PTPRK: variants seen among roughly 807,000 people sequenced by gnomAD.
PTPRK encodes the protein receptor-type tyrosine-protein phosphatase kappa.
Under a neutral mutation model 178.0 loss-of-function variants are expected in PTPRK, and 75 were observed. The observed-to-expected ratio is 0.42, with a 90% CI of 0.35 to 0.51. PTPRK has a LOEUF of 0.51. Among genes scored for constraint, PTPRK ranks in the 20% least tolerant of loss-of-function variants. PTPRK has a pLI of 0.02. For missense variants in PTPRK, 1,441 were observed against 1,797.8 expected, an observed-to-expected ratio of 0.80 and a Z score of 3.59; for synonymous variants, 637 against 620.6, an observed-to-expected ratio of 1.03 and a Z score of -0.39.
At chr6:128,022,621 T>G (rs564962371) in intron 13 of PTPRK, among the ~76,000 whole-genome samples, 1 of 152,200 alleles carries the variant, frequency 6.6e-6, no homozygotes, top group Non-Finnish European at 1.5e-5. Context: ...TCTTCATTGA[T>G]TTTGAAGGGA....
At chr6:128,164,852 T>C (rs1799176904) in intron 7 of PTPRK, among the ~76,000 whole-genome samples, 1 of 150,150 alleles carries the variant, frequency 6.7e-6, no homozygotes, top group African/African-American at 2.5e-5. Flanking sequence ...ATGTATATAT[T>C]AGCATGAAAG....
At chr6:128,026,640 GA>G (rs1191400377) in intron 13 of PTPRK, among the ~76,000 whole-genome samples, 1 of 152,124 alleles carries the variant, frequency 6.6e-6, no homozygotes, top group African/African-American at 2.4e-5. Flanking sequence ...TAAGGATTAA[GA>G]AAGCACTGGC....
intron 5 of PTPRK, among the ~76,000 whole-genome samples, chr6:128,228,382 C>T (rs1488956411): frequency 6.6e-6 from 1 of 151,342 alleles, no homozygotes; most frequent in Non-Finnish European, 1.5e-5. Flanking sequence ...TGCGGTGGCT[C>T]ACGCCTGTAA....
chr6:128,052,765 G>C (rs1301275916), intron 13 of PTPRK, among the ~76,000 whole-genome samples: 1 of 152,000 alleles, frequency 6.6e-6, no homozygotes, highest in Non-Finnish European at 1.5e-5. Context: ...GTAAATACCT[G>C]GTTTCTCATC....
intron 7 of PTPRK, among the ~76,000 whole-genome samples, chr6:128,126,937 C>T (rs897090993): frequency 6.6e-6 from 1 of 151,888 alleles, no homozygotes; most frequent in Admixed American, 6.6e-5. Context: ...TGTGTCACAT[C>T]CATGTTAGCA....
chr6:128,374,788 T>C (rs933502453), intron 2 of PTPRK, among the ~76,000 whole-genome samples: 1 of 152,080 alleles, frequency 6.6e-6, no homozygotes, highest in African/African-American at 2.4e-5. Context: ...TGTCACTCCA[T>C]TTAGAACTTT....
At chr6:128,003,472 A>G (rs1468912906) in intron 15 of PTPRK, among the ~76,000 whole-genome samples, 1 of 151,822 alleles carries the variant, frequency 6.6e-6, no homozygotes, top group African/African-American at 2.4e-5. Context: ...AGAAGATTAA[A>G]CTTGACATTA....
In PTPRK at chr6:128,381,321, T is replaced by C. The variant is rs537762868; in HGVS notation, c.223+16245A>G. On this transcript the variant is annotated intron_variant, in intron 2 of 29. Coordinates refer to ENST00000368226, the MANE Select transcript of PTPRK (RefSeq NM_002844.4). ...ACTATTTCCATACCTCATTATTCTA[T>C]CTTTGTTATAAAAATCATTTCTAGA... is the stretch of plus-strand genomic sequence containing the variant. 3.3e-5 allele frequency among the ~76,000 whole-genome samples: 5 copies of C among 152,310 alleles called. No individual in the cohort carries two copies. The South Asian group carries it at 8.3e-4, about 25-fold the overall frequency.
intron 2 of PTPRK, among the ~76,000 whole-genome samples, chr6:128,352,039 G>A (rs185240116): frequency 5.1e-4 from 78 of 151,910 alleles, no homozygotes; most frequent in African/African-American, 1.7e-3. Flanking sequence ...GGTGGATCAC[G>A]AGGTCAGGAG....
Position 127,976,702 on chromosome 6 carries a change from G to A in PTPRK, c.3924C>T (p.Asp1308=). ...IQVECMSCSM[D]CDVINRIFRI... is the part of the protein sequence containing the mutation. ...TAAAAATCCGGTTGATCACATCACAGTCCATTGAACAAGACATACATTCCA... is the reference window on the plus strand; with the variant it reads ...TAAAAATCCGGTTGATCACATCACAATCCATTGAACAAGACATACATTCCA... Residue 1308 remains aspartate, a synonymous_variant, in exon 27 of 30, where the codon GAC becomes GAT. Transcript: ENST00000368226. 2 of 1,613,842 alleles carry A rather than the reference G, an allele frequency of 1.2e-6. No individual in the cohort carries two copies. The highest frequency in any genetic ancestry group is 1.7e-6 in the Non-Finnish European group (2 of 1,179,928).
chr6:128,250,447 C>T (rs1387577219), intron 3 of PTPRK, among the ~76,000 whole-genome samples: 3 of 152,164 alleles, frequency 2.0e-5, no homozygotes, highest in Admixed American at 1.3e-4. Flanking sequence ...CACATGAATC[C>T]TGTTGACAGT....
At chr6:128,493,404 T>C (rs186833653) in intron 1 of PTPRK, among the ~76,000 whole-genome samples, 18 of 151,648 alleles carry the variant, frequency 1.2e-4, no homozygotes, top group Admixed American at 3.9e-4. Flanking sequence ...CTACTAAAAA[T>C]ACAAAAAATT....
At chr6:128,013,405 C>T (rs1210073767) in intron 13 of PTPRK, among the ~76,000 whole-genome samples, 2 of 151,436 alleles carry the variant, frequency 1.3e-5, no homozygotes, top group Non-Finnish European at 3.0e-5. Context: ...AACCCGAATT[C>T]CTGACCCATG....
chr6:128,134,844 T>C (rs1164374480), intron 7 of PTPRK, among the ~76,000 whole-genome samples: 1 of 151,986 alleles, frequency 6.6e-6, no homozygotes, highest in African/African-American at 2.4e-5. Context: ...ACTTAATCAG[T>C]AGACTTTGAG....
In PTPRK at chr6:128,481,448, T is replaced by G. The variant is rs550732056; in HGVS notation, c.100+38811A>C. On this transcript the variant is annotated intron_variant, in intron 1 of 29. Transcript: ENST00000368226. ...AGACTAACCAATGCAGATTTCAAGATGATGAACAAAGATTAGATAAATGAA... is the reference window on the plus strand; with the variant it reads ...AGACTAACCAATGCAGATTTCAAGAGGATGAACAAAGATTAGATAAATGAA... 6.6e-5 allele frequency among the ~76,000 whole-genome samples: 10 copies of G among 152,316 alleles called. No individual in the cohort carries two copies. The South Asian group carries it at 1.7e-3, about 25-fold the overall frequency.
rs372304317 is a variant in PTPRK, at chr6:128,303,040, G to A, written c.495+18999C>T. 4.6e-5 allele frequency among the ~76,000 whole-genome samples: 7 copies of A among 152,102 alleles called. No individual in the cohort carries two copies. In the South Asian group the frequency reaches 1.2e-3, roughly 27 times the overall value. ...AAAAAATGGCATCACGATTCACTAC[G>A]CTTGTACAATTAGAAAACCAGGCAA... On this transcript the variant is annotated intron_variant, in intron 3 of 29. Transcript: ENST00000368226.
At chr6:128,255,889 C>T (rs1203165393) in intron 3 of PTPRK, among the ~76,000 whole-genome samples, 1 of 152,200 alleles carries the variant, frequency 6.6e-6, no homozygotes, top group African/African-American at 2.4e-5. Flanking sequence ...TATAGGTTTT[C>T]TTCCTTCAGA....
chr6:127,995,191 AATT>A, intron 18 of PTPRK: 1 of 1,469,188 alleles, frequency 6.8e-7, no homozygotes, highest in Non-Finnish European at 9.4e-7. Flanking sequence ...TAATAACTGT[AATT>A]AAGAATGTTT....
chr6:128,297,499 A>G (rs562827825), intron 3 of PTPRK, among the ~76,000 whole-genome samples: 2 of 152,316 alleles, frequency 1.3e-5, no homozygotes, highest in African/African-American at 4.8e-5. Context: ...AGCAAATGTA[A>G]AAGATCAGAA....
Sources: allele counts gnomAD v4.1 joint callset (sites outside exome capture counted in the v4.1 genomes callset), GRCh38; gene constraint gnomAD v4.1.1; transcripts MANE v1.5; gene names NCBI Gene and HGNC (gene_info 2026-07-23, HGNC 2026-07-21).